The following ANKRD44 variants were observed in gnomAD, a reference collection of about 807,000 sequenced individuals.
ANKRD44 encodes the protein ankyrin repeat domain 44.
ANKRD44 carries 35 observed loss-of-function variants against 116.0 expected under a neutral mutation model. The observed-to-expected ratio is 0.30, with a 90% confidence interval of 0.23 to 0.40. The LOEUF (loss-of-function observed/expected upper bound fraction) is 0.40. Among genes scored for constraint, ANKRD44 ranks in the 10% least tolerant of loss-of-function variants. ANKRD44 has a pLI of 1.00. For synonymous variants in ANKRD44, 435 were observed against 461.8 expected (o/e 0.94, Z 0.74); for missense variants, 1,014 against 1,242.6 (o/e 0.82, Z 2.77).
chr2:197,143,256 T>A (rs952379723), intron 3 of ANKRD44, among the ~76,000 whole-genome samples: 27 of 151,254 alleles, frequency 1.8e-4, no homozygotes, highest in Admixed American at 6.6e-4. Flanking sequence ...ATGTGCAGGT[T>A]AGTTACATAT....
chr2:197,099,977 T>C, intron 9 of ANKRD44, 47 bp from the exon 10 acceptor site: 2 of 1,560,780 alleles, frequency 1.3e-6, no homozygotes, highest in Non-Finnish European at 1.8e-6. Flanking sequence ...TTCAGGTTGA[T>C]TCAGGTCCTA....
intron 16 of ANKRD44, among the ~76,000 whole-genome samples, chr2:197,038,974 TA>T (rs1159151108): frequency 6.6e-6 from 1 of 152,182 alleles, no homozygotes; most frequent in Admixed American, 6.5e-5. Context: ...AGTGTTCCCA[TA>T]TTATTTTGGA....
intron 1 of ANKRD44, among the ~76,000 whole-genome samples, chr2:197,270,022 T>C (rs1396791029): frequency 1.3e-5 from 2 of 152,196 alleles, no homozygotes; most frequent in Non-Finnish European, 2.9e-5. Context: ...GCAGGACATT[T>C]GCTGTCTCAG....
intron 16 of ANKRD44, among the ~76,000 whole-genome samples, chr2:197,035,592 C>G (rs1358993318): frequency 6.6e-6 from 1 of 152,046 alleles, no homozygotes; most frequent in African/African-American, 2.4e-5. Flanking sequence ...ACTGAGAGGA[C>G]ATTTATGGAT....
chr2:197,122,530 C>T (rs1339864236), intron 7 of ANKRD44, 120 bp downstream of exon 7: 2 of 1,349,794 alleles, frequency 1.5e-6, no homozygotes, highest in African/African-American at 2.9e-5. Context: ...CTCAAAAAGA[C>T]AGGATGCTAG....
chr2:197,192,120 C>T (rs1209585357), intron 1 of ANKRD44, among the ~76,000 whole-genome samples: 1 of 152,164 alleles, frequency 6.6e-6, no homozygotes, highest in Non-Finnish European at 1.5e-5. Context: ...CCTAATGAAA[C>T]CACCATTTTG....
At chr2:196,979,554 CTTTTTTTTT>C (rs71012942) in intron 21 of ANKRD44, among the ~76,000 whole-genome samples, 677 of 59,656 alleles carry the variant, frequency 0.011, 13 homozygotes, top group South Asian at 0.022. Flanking sequence ...AATAAGATGA[CTTTTTTTTT>C]TTTTTTTTTT....
chr2:197,076,624 T>C (rs1482639293), intron 16 of ANKRD44, among the ~76,000 whole-genome samples: 2 of 152,006 alleles, frequency 1.3e-5, no homozygotes, highest in Non-Finnish European at 2.9e-5. Flanking sequence ...TTTTACCAAA[T>C]AGTTATTTTT....
chr2:197,014,168 A>C (rs1447235531), intron 17 of ANKRD44, among the ~76,000 whole-genome samples: 1 of 152,206 alleles, frequency 6.6e-6, no homozygotes, highest in African/African-American at 2.4e-5. Flanking sequence ...ACTTTGAGAT[A>C]CAACAGAGGC....
At chr2:197,089,917 T>A in intron 11 of ANKRD44, 33 bp downstream of exon 11, 1 of 1,591,678 alleles carries the variant, frequency 6.3e-7, no homozygotes, top group Non-Finnish European at 8.6e-7. Context: ...ACAGGACACA[T>A]TAAGCCTCAT....
chr2:197,039,426 G>T (rs1274087711), intron 16 of ANKRD44, among the ~76,000 whole-genome samples: 1 of 152,200 alleles, frequency 6.6e-6, no homozygotes, highest in African/African-American at 2.4e-5. Flanking sequence ...GGATCTGGCA[G>T]TAATCGTTGC....
chr2:196,983,231 C>T (rs1367529265), downstream of ANKRD44, among the ~76,000 whole-genome samples: 1 of 151,872 alleles, frequency 6.6e-6, no homozygotes, highest in Non-Finnish European at 1.5e-5. Context: ...AAAAAAAAAT[C>T]AGACCACAGC....
At chr2:197,002,456 A>C (rs1003610773) in intron 21 of ANKRD44, among the ~76,000 whole-genome samples, 2 of 152,252 alleles carry the variant, frequency 1.3e-5, no homozygotes, top group Non-Finnish European at 2.9e-5. Flanking sequence ...ATTCAAGTTA[A>C]GTAAGGTCCT....
intron 16 of ANKRD44, among the ~76,000 whole-genome samples, chr2:197,042,960 C>T (rs892950981): frequency 6.6e-6 from 1 of 152,216 alleles, no homozygotes; most frequent in African/African-American, 2.4e-5. Context: ...GAGGCTTTTG[C>T]ACCAATGTGG....
intron 1 of ANKRD44, among the ~76,000 whole-genome samples, chr2:197,225,671 A>C (rs2081692846): frequency 6.6e-6 from 1 of 151,902 alleles, no homozygotes; most frequent in Admixed American, 6.5e-5. Flanking sequence ...ATTTAAACAT[A>C]AATCAGGTTT....
At chr2:197,189,826 C>T (rs1215723230) in intron 1 of ANKRD44, among the ~76,000 whole-genome samples, 3 of 152,206 alleles carry the variant, frequency 2.0e-5, no homozygotes, top group African/African-American at 7.2e-5. Flanking sequence ...TGCACCACTA[C>T]TTAGTCACTT....
intron 1 of ANKRD44, among the ~76,000 whole-genome samples, chr2:197,281,096 T>A (rs1366141815): frequency 6.6e-6 from 1 of 152,150 alleles, no homozygotes; most frequent in African/African-American, 2.4e-5. Context: ...TCATTCTCCT[T>A]GTGCAGTTCT....
chr2:197,285,335 A>C (rs561115246), intron 1 of ANKRD44, among the ~76,000 whole-genome samples: 1 of 152,134 alleles, frequency 6.6e-6, no homozygotes, highest in Non-Finnish European at 1.5e-5. Flanking sequence ...GCTACCTGTG[A>C]TACCCAGATC....
chr2:197,307,224 A>G (rs2084098231), intron 1 of ANKRD44, among the ~76,000 whole-genome samples: 1 of 152,206 alleles, frequency 6.6e-6, no homozygotes, highest in Non-Finnish European at 1.5e-5. Flanking sequence ...CACTTTACCA[A>G]AAAATATAAA....
Sources: gnomAD v4.1 joint callset for allele counts (sites outside exome capture counted in the v4.1 genomes callset) on GRCh38, gnomAD v4.1.1 for gene constraint, MANE v1.5 for transcripts, NCBI Gene and HGNC (gene_info 2026-07-23, HGNC 2026-07-21) for gene names.